RALGAPA2: variants seen among roughly 807,000 people sequenced by gnomAD.
RALGAPA2 encodes the protein Ral GTPase activating protein catalytic subunit alpha 2.
A neutral mutation model predicts 230.4 loss-of-function variants in RALGAPA2; 139 were observed. The observed-to-expected ratio is 0.60, with a 90% CI of 0.53 to 0.69. RALGAPA2 has a LOEUF of 0.69. RALGAPA2 is among the 30% of genes least tolerant of loss of function. The pLI, the probability that RALGAPA2 is intolerant of heterozygous loss-of-function variation, is 0.00. For synonymous variants in RALGAPA2, 847 were observed against 837.8 expected (o/e 1.01, Z -0.19); for missense variants, 2,163 against 2,276.0 (o/e 0.95, Z 1.01).
At chr20:20,623,801 T>C (rs1269947713) in intron 10 of RALGAPA2, among the ~76,000 whole-genome samples, 2 of 152,270 alleles carry the variant, frequency 1.3e-5, no homozygotes, top group Non-Finnish European at 2.9e-5. Flanking sequence ...CTGGAAGTTC[T>C]ATTTTCTTCC....
chr20:20,498,490 T>C (rs1199754159), intron 35 of RALGAPA2, among the ~76,000 whole-genome samples: 2 of 152,234 alleles, frequency 1.3e-5, no homozygotes, highest in Admixed American at 1.3e-4. Context: ...ACACACCTAA[T>C]AGGCTGACCT....
At chr20:20,494,350 G>A (rs1172019151) in intron 36 of RALGAPA2, among the ~76,000 whole-genome samples, 1 of 152,170 alleles carries the variant, frequency 6.6e-6, no homozygotes. Flanking sequence ...TTCCTCTTGA[G>A]GGATGGCTTA....
intron 1 of RALGAPA2, among the ~76,000 whole-genome samples, chr20:20,695,787 T>C (rs2069088566): frequency 6.6e-6 from 1 of 152,220 alleles, no homozygotes; most frequent in Non-Finnish European, 1.5e-5. Flanking sequence ...TAAGATTCCC[T>C]CAGGTCTTTC....
intron 10 of RALGAPA2, 71 bp downstream of exon 10, chr20:20,629,292 C>T (rs1470603949): frequency 1.2e-5 from 16 of 1,324,912 alleles, no homozygotes; most frequent in Non-Finnish European, 1.7e-5. Flanking sequence ...GAACATGAAA[C>T]AAAATCATTT....
chr20:20,424,523 C>A (rs1404715659), intron 37 of RALGAPA2, among the ~76,000 whole-genome samples: 1 of 152,210 alleles, frequency 6.6e-6, no homozygotes, highest in Non-Finnish European at 1.5e-5. Context: ...GTCACTTGAA[C>A]CGTGTTTCTC....
chr20:20,653,272 G>C (rs1427637931), intron 4 of RALGAPA2, among the ~76,000 whole-genome samples: 1 of 148,664 alleles, frequency 6.7e-6, no homozygotes, highest in African/African-American at 2.5e-5. Context: ...CTGAGATTCT[G>C]CATCTCTAAC....
chr20:20,533,085 GC>G (rs1379399590), intron 26 of RALGAPA2, among the ~76,000 whole-genome samples: 1 of 150,180 alleles, frequency 6.7e-6, no homozygotes, highest in East Asian at 1.9e-4. Context: ...GGAAATGAAG[GC>G]AAGATAAAGG....
chr20:20,630,355 AC>A (rs1046233782), intron 9 of RALGAPA2, among the ~76,000 whole-genome samples: 7 of 152,320 alleles, frequency 4.6e-5, no homozygotes, highest in Middle Eastern at 3.4e-3. Context: ...CCCAAATACA[AC>A]TAAAATTTAC....
At chr20:20,461,129 AG>A (rs948993948) in intron 37 of RALGAPA2, among the ~76,000 whole-genome samples, 2 of 152,228 alleles carry the variant, frequency 1.3e-5, no homozygotes, top group African/African-American at 4.8e-5. Flanking sequence ...CAAATAATTT[AG>A]ATGTTGTTTT....
chr20:20,456,632 A>T (rs1279347529), intron 37 of RALGAPA2, among the ~76,000 whole-genome samples: 1 of 152,168 alleles, frequency 6.6e-6, no homozygotes, highest in East Asian at 1.9e-4. Flanking sequence ...CTGCGAGAAG[A>T]CCCAAACTAG....
At chr20:20,680,497 G>A (rs1260440764) in intron 2 of RALGAPA2, among the ~76,000 whole-genome samples, 194 bp downstream of exon 2, 1 of 152,012 alleles carries the variant, frequency 6.6e-6, no homozygotes, top group Non-Finnish European at 1.5e-5. Context: ...CTAGCCATGT[G>A]TTGTTCAATT....
At chr20:20,508,866 G>A (rs1014637706) in intron 33 of RALGAPA2, among the ~76,000 whole-genome samples, 9 of 152,160 alleles carry the variant, frequency 5.9e-5, no homozygotes, top group African/African-American at 2.2e-4. Context: ...CCAGGAGTTG[G>A]GGTTTTAAGT....
intron 31 of RALGAPA2, among the ~76,000 whole-genome samples, chr20:20,517,722 T>C (rs1007167071): frequency 2.6e-5 from 4 of 151,510 alleles, no homozygotes; most frequent in African/African-American, 9.7e-5. Flanking sequence ...GAAACTCATG[T>C]AGAGTCTTCA....
chr20:20,417,136 G>T (rs748051646), intron 37 of RALGAPA2, among the ~76,000 whole-genome samples: 1 of 152,064 alleles, frequency 6.6e-6, no homozygotes, highest in Non-Finnish European at 1.5e-5. Flanking sequence ...AAGTTCTGGC[G>T]CCCCCGAGTT....
At chr20:20,425,649 C>T (rs190650318) in intron 37 of RALGAPA2, among the ~76,000 whole-genome samples, 2 of 152,318 alleles carry the variant, frequency 1.3e-5, no homozygotes, top group East Asian at 3.9e-4. Context: ...GCCAAGCGGC[C>T]TTCCTGGCCG....
intron 37 of RALGAPA2, among the ~76,000 whole-genome samples, chr20:20,450,191 C>A (rs1288411457): frequency 6.6e-6 from 1 of 152,172 alleles, no homozygotes; most frequent in African/African-American, 2.4e-5. Flanking sequence ...TCAACTATTT[C>A]TCAAGGCAAA....
intron 14 of RALGAPA2, 64 bp from the exon 15 acceptor site, chr20:20,605,476 C>T (rs970955782): frequency 1.4e-5 from 17 of 1,246,490 alleles, no homozygotes; most frequent in South Asian, 5.6e-5. Flanking sequence ...TACTTTTAAA[C>T]AAAATGTTTT....
intron 38 of RALGAPA2, among the ~76,000 whole-genome samples, chr20:20,403,964 G>A (rs2059898102): frequency 6.6e-6 from 1 of 152,190 alleles, no homozygotes; most frequent in African/African-American, 2.4e-5. Flanking sequence ...TGGGATGGTG[G>A]AGGCCACTGG....
Position 20,466,417 on chromosome 20 carries a change from CTG to C in RALGAPA2, c.5495+6410_5495+6411del, listed in dbSNP as rs368025636. Among the ~76,000 whole-genome samples the C allele has an allele frequency of 5.8e-3, 887 of 152,348 alleles. 8 individuals carry two copies. Among genetic ancestry groups the C allele is most frequent in the South Asian group, 0.047 (229 of 4,828 alleles). The stretch of plus-strand genomic sequence containing the variant: ...TGGTTTTTGAATGTTTGACTTGACA[CTG>C]AGATAAAGCTGCTTCCTGGTTGCTT... On this transcript the variant is annotated intron_variant, in intron 37 of 39. Transcript: ENST00000202677.
Sources: allele counts gnomAD v4.1 joint callset (sites outside exome capture counted in the v4.1 genomes callset), GRCh38; gene constraint gnomAD v4.1.1; transcripts MANE v1.5; gene names NCBI Gene and HGNC (gene_info 2026-07-23, HGNC 2026-07-21).